Variants in ZNF536 observed in about 807,000 individuals in gnomAD.
ZNF536 encodes zinc finger protein 536.
Under a neutral mutation model 84.5 loss-of-function variants are expected in ZNF536, and 13 were observed. The ratio of observed to expected loss-of-function variants is 0.15; its 90% CI spans 0.10 to 0.24. The LOEUF (loss-of-function observed/expected upper bound fraction) is 0.24. ZNF536 is among the 10% of genes least tolerant of loss of function. ZNF536 has a pLI of 1.00. For missense variants in ZNF536, 1,536 were observed against 1,747.5 expected (o/e 0.88, Z 2.16); for synonymous variants, 811 against 742.5 (o/e 1.09, Z -1.50).
intron 1 of ZNF536, among the ~76,000 whole-genome samples, chr19:30,239,903 T>A (rs2023815852): frequency 6.6e-6 from 1 of 152,194 alleles, no homozygotes; most frequent in Non-Finnish European, 1.5e-5. Context: ...GAGGCAAGGT[T>A]GCCTTTCATC....
At chr19:30,479,332 TAAG>T (rs2053977035) in intron 2 of ZNF536, among the ~76,000 whole-genome samples, 1 of 152,170 alleles carries the variant, frequency 6.6e-6, no homozygotes, top group South Asian at 2.1e-4. Flanking sequence ...GAGACTCTTC[TAAG>T]AAGTAGCAGC....
chr19:30,420,121 C>T (rs1323041659), intron 1 of ZNF536, among the ~76,000 whole-genome samples: 1 of 152,162 alleles, frequency 6.6e-6, no homozygotes, highest in African/African-American at 2.4e-5. Flanking sequence ...ACTGCTTGTG[C>T]GTGGCTGAGA....
intron 3 of ZNF536, among the ~76,000 whole-genome samples, chr19:30,355,470 C>T (rs2048063145): frequency 6.6e-6 from 1 of 152,132 alleles, no homozygotes; most frequent in Admixed American, 6.5e-5. Flanking sequence ...TCACTGCAAC[C>T]TCGACCTCCT....
At chr19:30,508,108 A>G (rs1238555723) in intron 2 of ZNF536, among the ~76,000 whole-genome samples, 2 of 152,202 alleles carry the variant, frequency 1.3e-5, no homozygotes, top group Admixed American at 1.3e-4. Context: ...CAGTCTGGAA[A>G]GGGAATTGCT....
intron 1 of ZNF536, among the ~76,000 whole-genome samples, chr19:30,597,191 G>C (rs759449494): frequency 2.0e-4 from 31 of 152,218 alleles, no homozygotes; most frequent in Non-Finnish European, 3.4e-4. Context: ...CCCAACTTCT[G>C]TGGGATGGTC....
At chr19:30,397,494 T>C (rs1170391474) in intron 1 of ZNF536, among the ~76,000 whole-genome samples, 2 of 152,226 alleles carry the variant, frequency 1.3e-5, no homozygotes, top group Non-Finnish European at 2.9e-5. Context: ...TGGGAGAAAC[T>C]GGGTGATGAG....
At chr19:30,538,086 C>G (rs959293806) in intron 3 of ZNF536, among the ~76,000 whole-genome samples, 2 of 152,186 alleles carry the variant, frequency 1.3e-5, no homozygotes, top group African/African-American at 4.8e-5. Flanking sequence ...TCACAATCAA[C>G]GTATTTGTTA....
At chr19:30,598,934 TCCC>T (rs2047560955) in intron 1 of ZNF536, among the ~76,000 whole-genome samples, 1 of 46,118 alleles carries the variant, frequency 2.2e-5, no homozygotes, top group Admixed American at 2.3e-4. Flanking sequence ...CCTTTCTCCC[TCCC>T]TCCCTCCCTT....
intron 2 of ZNF536, among the ~76,000 whole-genome samples, chr19:30,328,804 G>A (rs2047118275): frequency 1.3e-5 from 2 of 152,164 alleles, no homozygotes; most frequent in Admixed American, 1.3e-4. Context: ...CGTTGCCAGG[G>A]GCTTGGTGTA....
chr19:30,261,697 C>CAAAA (rs56820609), intron 1 of ZNF536, among the ~76,000 whole-genome samples: 2 of 99,910 alleles, frequency 2.0e-5, no homozygotes, highest in Non-Finnish European at 4.1e-5. Context: ...GGACCTTGTC[C>CAAAA]AAAAAAAAAA....
chr19:30,448,580 T>A (rs556639927), intron 2 of ZNF536, among the ~76,000 whole-genome samples: 1 of 152,366 alleles, frequency 6.6e-6, no homozygotes, highest in South Asian at 2.1e-4. Context: ...TTAATTTGCA[T>A]CACTTGATTC....
At chr19:30,422,928 TC>T (rs1451771423) in intron 1 of ZNF536, among the ~76,000 whole-genome samples, 1 of 115,158 alleles carries the variant, frequency 8.7e-6, no homozygotes, top group African/African-American at 3.4e-5. Context: ...CATCTGCCTA[TC>T]TACACATCCA....
At chr19:30,602,352 T>A (rs891059803) in intron 1 of ZNF536, among the ~76,000 whole-genome samples, 1 of 152,206 alleles carries the variant, frequency 6.6e-6, no homozygotes, top group Non-Finnish European at 1.5e-5. Context: ...GTGGAGATTA[T>A]ATGGGAAAAA....
At chr19:30,348,995 A>G (rs1200223253) in intron 2 of ZNF536, among the ~76,000 whole-genome samples, 6 of 152,128 alleles carry the variant, frequency 3.9e-5, no homozygotes, top group African/African-American at 1.4e-4. Context: ...AAGCCAGGCT[A>G]AGAATGACAC....
Position 30,694,675 on chromosome 19 carries a change from A to ATT in ZNF536, c.170-16074_170-16073dup, listed in dbSNP as rs79667523. The stretch of plus-strand genomic sequence containing the variant: ...AAATGTAACATTGGCAATGAATTAC[A>ATT]TTTTTTTTTAAAGAAATAGTGTTGG... On this transcript the variant is annotated intron_variant, in intron 1 of 1. Coordinates refer to the ZNF536 transcript ENST00000592773. Among the ~76,000 whole-genome samples the ATT allele has an allele frequency of 1.9e-3, 295 of 151,886 alleles. 1 individual carries two copies. The highest frequency in any genetic ancestry group is 2.6e-3 in the Non-Finnish European group (175 of 67,910).
At chr19:30,436,801 T>C (rs2051769342) in intron 1 of ZNF536, among the ~76,000 whole-genome samples, 1 of 152,194 alleles carries the variant, frequency 6.6e-6, no homozygotes, top group Admixed American at 6.5e-5. Context: ...CCTCCAGGAA[T>C]GGGGTCTGCC....
At chr19:30,432,582 A>G (rs968361061) in intron 1 of ZNF536, among the ~76,000 whole-genome samples, 1 of 152,052 alleles carries the variant, frequency 6.6e-6, no homozygotes, top group Admixed American at 6.6e-5. Context: ...AAAGAAGGCA[A>G]GGGGAGACGA....
chr19:30,615,197 G>A (rs1355177871), intron 1 of ZNF536, among the ~76,000 whole-genome samples: 1 of 149,618 alleles, frequency 6.7e-6, no homozygotes, highest in Non-Finnish European at 1.5e-5. Flanking sequence ...CGCCCGTCTC[G>A]GCCTCCCAAA....
At chr19:30,526,521 G>A (rs2044585111) in intron 2 of ZNF536, among the ~76,000 whole-genome samples, 1 of 126,428 alleles carries the variant, frequency 7.9e-6, no homozygotes, top group Admixed American at 7.9e-5. Context: ...TCAGGAGATC[G>A]AGACCATCCC....
Sources: gnomAD v4.1 joint callset for allele counts (sites outside exome capture counted in the v4.1 genomes callset) on GRCh38, gnomAD v4.1.1 for gene constraint, MANE v1.5 for transcripts, NCBI Gene and HGNC (gene_info 2026-07-23, HGNC 2026-07-21) for gene names.